The following SLC25A26 variants were observed in gnomAD, a reference collection of about 807,000 sequenced individuals.
SLC25A26 encodes the protein mitochondrial S-adenosylmethionine carrier protein.
A neutral mutation model predicts 37.8 loss-of-function variants in SLC25A26; 36 were observed. The ratio of observed to expected loss-of-function variants is 0.95; its 90% CI spans 0.73 to 1.26. SLC25A26 has a LOEUF of 1.26. Among genes scored for constraint, SLC25A26 ranks in the 50% most tolerant of loss-of-function variants. The pLI is 0.00. For synonymous variants in SLC25A26, 129 were observed against 122.5 expected (o/e 1.05, Z -0.35); for missense variants, 390 against 331.1 (o/e 1.18, Z -1.38).
chr3:66,273,599 T>G (rs1038225127), intron 5 of SLC25A26, among the ~76,000 whole-genome samples: 1 of 152,150 alleles, frequency 6.6e-6, no homozygotes, highest in Non-Finnish European at 1.5e-5. Context: ...AGCATTCTTA[T>G]ACACCAATAA....
chr3:66,284,451 G>C (rs377329510), intron 5 of SLC25A26, among the ~76,000 whole-genome samples: 7 of 152,276 alleles, frequency 4.6e-5, no homozygotes, highest in African/African-American at 1.7e-4. Flanking sequence ...ATCCATATAA[G>C]CTGATTTTCT....
chr3:66,193,087 TA>T (rs1409229298), intron 1 of SLC25A26, among the ~76,000 whole-genome samples: 287 of 152,328 alleles, frequency 1.9e-3, no homozygotes, highest in African/African-American at 6.4e-3. Context: ...TGTATATTTT[TA>T]AAAGTTGTGT....
At chr3:66,319,899 A>G (rs573931324) in intron 5 of SLC25A26, among the ~76,000 whole-genome samples, 12 of 151,796 alleles carry the variant, frequency 7.9e-5, no homozygotes, top group Non-Finnish European at 1.8e-4. Flanking sequence ...GATTACAGGC[A>G]CACACCACCA....
At chr3:66,361,955 A>T (rs962186204) in intron 6 of SLC25A26, among the ~76,000 whole-genome samples, 2 of 152,140 alleles carry the variant, frequency 1.3e-5, no homozygotes, top group African/African-American at 4.8e-5. Context: ...AGCCTGGGTG[A>T]CAGAGCGAGT....
rs183734164 is a variant in SLC25A26, at chr3:66,284,770, G to T, written c.453+21391G>T. 1.1e-4 allele frequency among the ~76,000 whole-genome samples: 16 copies of T among 152,286 alleles called. No homozygotes were observed. The East Asian group carries it at 2.7e-3, about 26-fold the overall frequency. ...GCTTGCCACATTTTCAAATGGTGCA[G>T]CAAATATATATTTATATCCATCTAT... On this transcript the variant is annotated intron_variant, in intron 5 of 9. Transcript: ENST00000354883.
chr3:66,164,273 T>G (rs1321106449), intron 1 of SLC25A26, among the ~76,000 whole-genome samples: 5 of 152,212 alleles, frequency 3.3e-5, no homozygotes. Context: ...GAAGTTATTT[T>G]AGGATTGTTT....
chr3:66,184,622 C>CTTGAGTTTACTATGTATTA (rs2070790011), intron 1 of SLC25A26, among the ~76,000 whole-genome samples: 1 of 152,128 alleles, frequency 6.6e-6, no homozygotes, highest in Non-Finnish European at 1.5e-5. Flanking sequence ...ACATGCTCAA[C>CTTGAGTTTACTATGTATTA]CAAATCCTCA....
chr3:66,258,630 G>A (rs2073398639), intron 3 of SLC25A26, among the ~76,000 whole-genome samples: 1 of 152,072 alleles, frequency 6.6e-6, no homozygotes, highest in African/African-American at 2.4e-5. Context: ...ACATCTGCTG[G>A]GATGAATTTT....
In SLC25A26 at chr3:66,301,519, G is replaced by T. The variant is rs2075075774; in HGVS notation, c.453+38140G>T. 1.3e-5 allele frequency among the ~76,000 whole-genome samples: 2 copies of T among 152,152 alleles called. 1 individual carries two copies. Among genetic ancestry groups the T allele is most frequent in the South Asian group, 4.1e-4 (2 of 4,830 alleles). ...TGTTAGTATTTTTATGTAAGCAGAA[G>T]CCAAGAATGTCATTAGAAAGTAAAA... On this transcript the variant is annotated intron_variant, in intron 5 of 9. Transcript: ENST00000354883.
chr3:66,316,494 T>C (rs1484083004), intron 5 of SLC25A26, among the ~76,000 whole-genome samples: 4 of 152,204 alleles, frequency 2.6e-5, no homozygotes, highest in Non-Finnish European at 5.9e-5. Context: ...GCTCTTAGTC[T>C]AATGGGCCTC....
chr3:66,235,606 A>C (rs1342055971), intron 1 of SLC25A26, among the ~76,000 whole-genome samples: 1 of 152,252 alleles, frequency 6.6e-6, no homozygotes, highest in Admixed American at 6.5e-5. Flanking sequence ...AGCTGTTTCA[A>C]AATTCCAGTC....
intron 1 of SLC25A26, among the ~76,000 whole-genome samples, chr3:66,145,257 G>A (rs1387458457): frequency 6.6e-6 from 1 of 152,208 alleles, no homozygotes; most frequent in Non-Finnish European, 1.5e-5. Flanking sequence ...AGTCTGAACG[G>A]CTCATAAGGT....
At chr3:66,175,021 T>G (rs1397109065) in intron 1 of SLC25A26, among the ~76,000 whole-genome samples, 1 of 149,884 alleles carries the variant, frequency 6.7e-6, no homozygotes, top group Non-Finnish European at 1.5e-5. Flanking sequence ...AACTTGACTT[T>G]TAGATTCCTG....
intron 7 of SLC25A26, among the ~76,000 whole-genome samples, chr3:66,367,466 T>G (rs1314906927): frequency 6.6e-6 from 1 of 152,180 alleles, no homozygotes; most frequent in African/African-American, 2.4e-5. Context: ...GAATAAGTAA[T>G]TACCTAAGGC....
rs11316750 is a variant in SLC25A26 at position 66,373,675 on chromosome 3, ATTTT to A, written c.707+3086_707+3089del. 3.1e-3 allele frequency among the ~76,000 whole-genome samples: 446 copies of A among 143,930 alleles called. 7 individuals carry two copies. The highest frequency in any genetic ancestry group is 7.4e-3 in the Middle Eastern group (2 of 270). The allele number at this position is 143,930 out of a possible 152,430, so 94.4% of individuals were successfully genotyped here. A position where few individuals can be genotyped will look rare whatever the true frequency, so the allele number is the denominator to read the frequency against. On this transcript the variant is annotated intron_variant, in intron 9 of 9. Coordinates refer to ENST00000354883, the MANE Select transcript of SLC25A26 (RefSeq NM_001379210.1). Reference sequence around the variant, plus strand: ...ACCACCCACCCTTTGCATGATGCTGATTTTTTTTTTTTTTTTAAGCAAGTGTAGT... The same window carrying A: ...ACCACCCACCCTTTGCATGATGCTGATTTTTTTTTTTTAAGCAAGTGTAGT...
chr3:66,204,437 A>AAG (rs2071149791), intron 1 of SLC25A26, among the ~76,000 whole-genome samples: 1 of 90,592 alleles, frequency 1.1e-5, no homozygotes, highest in East Asian at 4.2e-4. Context: ...AAAAAAAAAA[A>AAG]AAGAAAAAAA....
chr3:66,309,813 G>T (rs950633545), intron 5 of SLC25A26, among the ~76,000 whole-genome samples: 1 of 152,202 alleles, frequency 6.6e-6, no homozygotes, highest in Non-Finnish European at 1.5e-5. Context: ...GTGGTTTTGA[G>T]TGAATTTCTT....
chr3:66,254,471 C>T (rs1436054400), intron 3 of SLC25A26, among the ~76,000 whole-genome samples: 1 of 152,202 alleles, frequency 6.6e-6, no homozygotes, highest in Non-Finnish European at 1.5e-5. Flanking sequence ...CTGGAAAGTC[C>T]AAAGCAGCTT....
At chr3:66,293,740 A>G (rs960104139) in intron 5 of SLC25A26, among the ~76,000 whole-genome samples, 12 of 152,294 alleles carry the variant, frequency 7.9e-5, no homozygotes, top group African/African-American at 2.4e-4. Context: ...TTACGGCTGT[A>G]TAGTATTCAT....
Sources: allele counts gnomAD v4.1 joint callset (sites outside exome capture counted in the v4.1 genomes callset), GRCh38; gene constraint gnomAD v4.1.1; transcripts MANE v1.5; gene names NCBI Gene and HGNC (gene_info 2026-07-23, HGNC 2026-07-21).